The following ZMAT4 variants were observed in gnomAD, a reference collection of about 807,000 sequenced individuals.
ZMAT4 encodes zinc finger matrin-type protein 4.
A neutral mutation model predicts 28.7 loss-of-function variants in ZMAT4; 17 were observed. That is an observed-to-expected ratio of 0.59 (90% CI 0.41 to 0.89). ZMAT4 has a LOEUF of 0.89. Among genes scored for constraint, ZMAT4 ranks in the 40% least tolerant of loss-of-function variants. ZMAT4 has a pLI of 0.00. For missense variants in ZMAT4, 240 were observed against 283.8 expected, an observed-to-expected ratio of 0.85 and a Z score of 1.11; for synonymous variants, 117 against 109.2, an observed-to-expected ratio of 1.07 and a Z score of -0.44.
At chr8:40,557,041 T>A (rs1181623901) in intron 6 of ZMAT4, among the ~76,000 whole-genome samples, 3 of 152,116 alleles carry the variant, frequency 2.0e-5, no homozygotes, top group Non-Finnish European at 2.9e-5. Flanking sequence ...TCTACCTCCA[T>A]GAGATCAATT....
intron 1 of ZMAT4, among the ~76,000 whole-genome samples, chr8:40,846,711 G>A (rs1816912949): frequency 6.6e-6 from 1 of 152,156 alleles, no homozygotes; most frequent in Non-Finnish European, 1.5e-5. Flanking sequence ...AAAGAGTGGG[G>A]ACTTGGCAGG....
rs78467148 is a variant in ZMAT4 at position 40,806,971 on chromosome 8, G to C, written c.102+18604C>G. 2.7e-3 allele frequency among the ~76,000 whole-genome samples: 404 copies of C among 151,738 alleles called. 6 individuals are homozygous for C. In the East Asian group the frequency reaches 0.029, roughly 11 times the overall value. On this transcript the variant is annotated intron_variant, in intron 2 of 6. Coordinates refer to ENST00000297737, the MANE Select transcript of ZMAT4 (RefSeq NM_024645.3). Reference sequence around the variant, plus strand: ...ATAGCTGCAAGTCACCCACCTTTAGGATCTTATGCTATTTGGCTGACCTAA... The same window carrying C: ...ATAGCTGCAAGTCACCCACCTTTAGCATCTTATGCTATTTGGCTGACCTAA...
chr8:40,597,030 G>T (rs1160227488), intron 5 of ZMAT4, among the ~76,000 whole-genome samples: 5 of 152,174 alleles, frequency 3.3e-5, no homozygotes, highest in Non-Finnish European at 7.3e-5. Flanking sequence ...AATCCAGAAT[G>T]AGTTGTTTTT....
Position 40,674,859 on chromosome 8 carries a change from C to G in ZMAT4, c.422G>C (p.Arg141Thr). ...GAGCCCACAGTATCTGTCTGAATCT[C>G]TTCTTTGATAGGGAGATGCGACCAC... ...APVVASPYQR[R>T]DSDRYCGLCA... is the part of the protein sequence containing the mutation. Residue 141 changes from arginine (R) to threonine (T), a missense_variant, in exon 5 of 7, where the codon AGA becomes ACA. Coordinates refer to ENST00000297737, the MANE Select transcript of ZMAT4 (RefSeq NM_024645.3). The G allele has an allele frequency of 6.2e-7, 1 of 1,613,872 alleles. No homozygotes were observed. Among genetic ancestry groups the G allele is most frequent in the Non-Finnish European group, 8.5e-7 (1 of 1,179,930 alleles).
intron 5 of ZMAT4, among the ~76,000 whole-genome samples, chr8:40,648,987 C>T (rs964609888): frequency 3.3e-4 from 48 of 143,950 alleles, no homozygotes; most frequent in African/African-American, 1.2e-3. Context: ...AATGTAAAGA[C>T]CATCGAGACT....
At chr8:40,876,687 CAGAACATACAAAATA>C (rs1818052826) in intron 1 of ZMAT4, among the ~76,000 whole-genome samples, 1 of 152,192 alleles carries the variant, frequency 6.6e-6, no homozygotes, top group Admixed American at 6.5e-5. Context: ...ATATAATACA[CAGAACATACAAAATA>C]TGTGTGATTT....
At chr8:40,879,935 C>A (rs982564164) in intron 1 of ZMAT4, among the ~76,000 whole-genome samples, 2 of 152,170 alleles carry the variant, frequency 1.3e-5, no homozygotes, top group African/African-American at 4.8e-5. Context: ...GTTTACTTAA[C>A]TAGTTCTCCA....
rs934081022 is a variant in ZMAT4 at position 40,845,857 on chromosome 8, G to C, written c.-4-20177C>G. On this transcript the variant is annotated intron_variant, in intron 1 of 6. Coordinates refer to ENST00000297737, the MANE Select transcript of ZMAT4 (RefSeq NM_024645.3). The stretch of plus-strand genomic sequence containing the variant: ...GTGAAAAATGTACTTAACAATGATA[G>C]AGCCAAGCATCAATTAGGAGCGGCC... Among the ~76,000 whole-genome samples, 9 of 150,160 alleles carry C rather than the reference G, an allele frequency of 6.0e-5. No individual in the cohort carries two copies. In the South Asian group the frequency reaches 1.1e-3, roughly 18 times the overall value.
At chr8:40,657,063 C>T (rs1807959197) in intron 5 of ZMAT4, among the ~76,000 whole-genome samples, 1 of 152,148 alleles carries the variant, frequency 6.6e-6, no homozygotes, top group South Asian at 2.1e-4. Context: ...CAGGTTCTGG[C>T]TCTCTCGCTC....
intron 1 of ZMAT4, among the ~76,000 whole-genome samples, chr8:40,845,730 CT>C (rs1332720410): frequency 3.4e-5 from 5 of 147,888 alleles, no homozygotes; most frequent in African/African-American, 1.0e-4. Flanking sequence ...TTTTAGAAGC[CT>C]GCTATGAAAT....
At chr8:40,748,936 G>C (rs543019539) in intron 3 of ZMAT4, among the ~76,000 whole-genome samples, 3 of 152,124 alleles carry the variant, frequency 2.0e-5, no homozygotes, top group Non-Finnish European at 4.4e-5. Flanking sequence ...GACCCAGTGG[G>C]AGATAATAAT....
intron 1 of ZMAT4, among the ~76,000 whole-genome samples, chr8:40,845,209 G>T (rs1012974082): frequency 1.3e-5 from 2 of 152,136 alleles, no homozygotes; most frequent in African/African-American, 4.8e-5. Flanking sequence ...ATCTCCTCCT[G>T]AATGAAGTGT....
At chr8:40,888,271 C>T (rs1228638966) in intron 1 of ZMAT4, among the ~76,000 whole-genome samples, 1 of 152,208 alleles carries the variant, frequency 6.6e-6, no homozygotes, top group African/African-American at 2.4e-5. Flanking sequence ...AAATCTAGCT[C>T]ATTCCATGCC....
intron 5 of ZMAT4, among the ~76,000 whole-genome samples, chr8:40,620,595 G>A (rs768823945): frequency 3.3e-5 from 5 of 152,156 alleles, no homozygotes; most frequent in South Asian, 2.1e-4. Context: ...GTAAAAATTC[G>A]TCATATGTTA....
intron 3 of ZMAT4, among the ~76,000 whole-genome samples, chr8:40,751,896 CT>C (rs1294137949): frequency 6.6e-6 from 1 of 152,152 alleles, no homozygotes; most frequent in Non-Finnish European, 1.5e-5. Flanking sequence ...TCAACCCCCC[CT>C]GTGCAAAATG....
intron 1 of ZMAT4, chr8:40,888,571 C>T (rs1057287985): frequency 6.6e-6 from 1 of 152,318 alleles, no homozygotes; most frequent in Non-Finnish European, 1.5e-5. Context: ...CCGTCACCTG[C>T]ACTGCTTAGA....
At chr8:40,724,151 T>A (rs1811225770) in intron 3 of ZMAT4, among the ~76,000 whole-genome samples, 1 of 152,186 alleles carries the variant, frequency 6.6e-6, no homozygotes, top group Non-Finnish European at 1.5e-5. Flanking sequence ...CTCATTGTTT[T>A]CAGTTCTCTG....
intron 2 of ZMAT4, among the ~76,000 whole-genome samples, chr8:40,788,178 CCTT>C (rs958932285): frequency 2.6e-5 from 4 of 152,090 alleles, no homozygotes; most frequent in Admixed American, 6.5e-5. Context: ...AAACATGACT[CCTT>C]CTACATATAT....
intron 5 of ZMAT4, among the ~76,000 whole-genome samples, chr8:40,596,863 G>A (rs928541333): frequency 3.3e-5 from 5 of 152,152 alleles, no homozygotes; most frequent in South Asian, 4.1e-4. Context: ...CAGAGAGGAC[G>A]AAGGCCATAG....
Sources: gnomAD v4.1 joint callset for allele counts (sites outside exome capture counted in the v4.1 genomes callset) on GRCh38, gnomAD v4.1.1 for gene constraint, MANE v1.5 for transcripts, NCBI Gene and HGNC (gene_info 2026-07-23, HGNC 2026-07-21) for gene names.